Variants in NRXN3 observed in about 807,000 individuals in gnomAD.
NRXN3 encodes the protein neurexin III.
A neutral mutation model predicts 137.6 loss-of-function variants in NRXN3; 32 were observed. The ratio of observed to expected loss-of-function variants is 0.23; its 90% CI spans 0.18 to 0.31. The LOEUF (loss-of-function observed/expected upper bound fraction) is 0.31. Ranked by LOEUF, NRXN3 falls within the 10% of genes least tolerant of loss-of-function variation. NRXN3 has a pLI of 1.00. For missense variants in NRXN3, 1,574 were observed against 2,062.5 expected, an observed-to-expected ratio of 0.76 and a Z score of 4.59; for synonymous variants, 798 against 784.5, an observed-to-expected ratio of 1.02 and a Z score of -0.29.
At chr14:79,403,877 A>C (rs2153498828) in intron 15 of NRXN3, among the ~76,000 whole-genome samples, 1 of 152,304 alleles carries the variant, frequency 6.6e-6, no homozygotes, top group South Asian at 2.1e-4. Flanking sequence ...GTGGAAAGGT[A>C]GAAAATAGAA....
At chr14:78,388,888 C>T (rs2090364283) in intron 4 of NRXN3, among the ~76,000 whole-genome samples, 2 of 151,418 alleles carry the variant, frequency 1.3e-5, no homozygotes, top group African/African-American at 4.9e-5. Flanking sequence ...ATTAATATAC[C>T]ATACTTCAAT....
At chr14:79,257,645 C>T (rs1249076056) in intron 15 of NRXN3, among the ~76,000 whole-genome samples, 1 of 142,140 alleles carries the variant, frequency 7.0e-6, no homozygotes, top group Admixed American at 7.2e-5. Flanking sequence ...GATGCTGCCT[C>T]ACAGAAACTT....
At chr14:79,145,138 A>C (rs561745783) in intron 15 of NRXN3, among the ~76,000 whole-genome samples, 36 of 152,220 alleles carry the variant, frequency 2.4e-4, no homozygotes, top group South Asian at 2.1e-3. Context: ...TTTCCTGAGT[A>C]TTATGTGCAC....
At chr14:79,133,696 C>T (rs910183862) in intron 15 of NRXN3, among the ~76,000 whole-genome samples, 4 of 151,842 alleles carry the variant, frequency 2.6e-5, no homozygotes, top group South Asian at 2.1e-4. Flanking sequence ...GAGGCCGAGG[C>T]GGGTGGATCA....
chr14:78,484,047 G>T (rs1438052979), intron 4 of NRXN3, among the ~76,000 whole-genome samples: 3 of 147,704 alleles, frequency 2.0e-5, no homozygotes, highest in Admixed American at 2.0e-4. Context: ...GAGAGAGAGA[G>T]AGCAAAAAAA....
At chr14:79,180,384 C>G (rs2062797017) in intron 15 of NRXN3, among the ~76,000 whole-genome samples, 1 of 152,106 alleles carries the variant, frequency 6.6e-6, no homozygotes, top group African/African-American at 2.4e-5. Flanking sequence ...ATTTTTCCCC[C>G]TTGGCCACAC....
intron 9 of NRXN3, among the ~76,000 whole-genome samples, chr14:78,806,907 T>G (rs2098874688): frequency 6.6e-6 from 1 of 152,224 alleles, no homozygotes; most frequent in South Asian, 2.1e-4. Flanking sequence ...GTGAGATAAA[T>G]CAAGCAAGTG....
At chr14:79,171,806 G>C (rs1158714169) in intron 15 of NRXN3, among the ~76,000 whole-genome samples, 1 of 150,618 alleles carries the variant, frequency 6.6e-6, no homozygotes, top group East Asian at 2.0e-4. Context: ...GAAATATTTT[G>C]TTTATTTTAT....
At chr14:79,401,717 G>A (rs2153493135) in intron 15 of NRXN3, among the ~76,000 whole-genome samples, 1 of 152,024 alleles carries the variant, frequency 6.6e-6, no homozygotes, top group South Asian at 2.1e-4. Context: ...CTTGTTCCAG[G>A]TGTTATATGA....
chr14:79,011,206 G>A (rs555776389), intron 15 of NRXN3, among the ~76,000 whole-genome samples: 1 of 152,182 alleles, frequency 6.6e-6, no homozygotes, highest in African/African-American at 2.4e-5. Flanking sequence ...ATTTAAAAGG[G>A]GAGTTTGTAA....
rs1555750670 is a variant in NRXN3 at position 79,808,255 on chromosome 14, A to ATATAT, written c.4093+3065_4093+3066insTATAT. Among the ~76,000 whole-genome samples, 287 of 123,938 alleles carry ATATAT rather than the reference A, an allele frequency of 2.3e-3. 1 individual carries two copies. Among genetic ancestry groups the ATATAT allele is most frequent in the Admixed American group, 3.3e-3 (40 of 12,120 alleles). 81.3% of individuals were successfully genotyped at this position (123,938 alleles called of 152,430 possible). On this transcript the variant is annotated intron_variant, in intron 20 of 20. Coordinates refer to ENST00000335750, the MANE Select transcript of NRXN3 (RefSeq NM_001330195.2). ...CTCTCTCAATTAAAAAAAAAAAAAAAATATATATATATATATATATGTATG... is the reference window on the plus strand; with the variant it reads ...CTCTCTCAATTAAAAAAAAAAAAAAATATATATATATATATATATATATATGTATG...
chr14:79,398,012 C>G (rs966791939), intron 15 of NRXN3, among the ~76,000 whole-genome samples: 1 of 152,226 alleles, frequency 6.6e-6, no homozygotes, highest in Non-Finnish European at 1.5e-5. Context: ...CTGAGATCAT[C>G]TATAACACTT....
intron 15 of NRXN3, among the ~76,000 whole-genome samples, chr14:79,456,631 AC>A (rs2096261532): frequency 6.6e-6 from 1 of 151,656 alleles, no homozygotes; most frequent in Non-Finnish European, 1.5e-5. Context: ...GGAGGCTGAG[AC>A]AGGAGAATCT....
At chr14:78,808,483 A>T (rs1031781766) in intron 9 of NRXN3, among the ~76,000 whole-genome samples, 1 of 152,064 alleles carries the variant, frequency 6.6e-6, no homozygotes, top group Admixed American at 6.6e-5. Flanking sequence ...AGGAAGGGAC[A>T]TTTCTCCAGC....
intron 16 of NRXN3, chr14:79,570,562 T>C (rs1221316919): frequency 6.6e-6 from 1 of 152,200 alleles, no homozygotes; most frequent in Non-Finnish European, 1.5e-5. Flanking sequence ...AGATGCTGAC[T>C]GTGCAAGGCT....
intron 15 of NRXN3, among the ~76,000 whole-genome samples, chr14:79,069,794 A>G (rs921179248): frequency 6.6e-6 from 1 of 152,132 alleles, no homozygotes; most frequent in Non-Finnish European, 1.5e-5. Flanking sequence ...CTTGCAGCCC[A>G]GACAATGTGA....
intron 15 of NRXN3, among the ~76,000 whole-genome samples, chr14:79,152,043 A>G (rs1165147064): frequency 6.6e-6 from 1 of 151,982 alleles, no homozygotes; most frequent in Non-Finnish European, 1.5e-5. Context: ...TTTTTTCTAC[A>G]GACACTTTTG....
chr14:78,918,426 A>G (rs925631867), intron 10 of NRXN3, among the ~76,000 whole-genome samples: 1 of 152,182 alleles, frequency 6.6e-6, no homozygotes, highest in Non-Finnish European at 1.5e-5. Context: ...ATGTGGAAGA[A>G]CAGAACAGAG....
chr14:78,380,307 CAAAAAAAAAAAAA>C (rs34099445), intron 4 of NRXN3, among the ~76,000 whole-genome samples: 1 of 100,506 alleles, frequency 9.9e-6, no homozygotes. Context: ...GACTCCGTCT[CAAAAAAAAAAAAA>C]AAAAAAAAGA....
Sources: allele counts gnomAD v4.1 joint callset (sites outside exome capture counted in the v4.1 genomes callset), GRCh38; gene constraint gnomAD v4.1.1; transcripts MANE v1.5; gene names NCBI Gene and HGNC (gene_info 2026-07-23, HGNC 2026-07-21).